The following GALNT17 variants were observed in gnomAD, a reference collection of about 807,000 sequenced individuals.
GALNT17 encodes polypeptide N-acetylgalactosaminyltransferase 17.
GALNT17 carries 29 observed loss-of-function variants against 63.7 expected under a neutral mutation model. That is an observed-to-expected ratio of 0.46 (90% CI 0.34 to 0.62). The LOEUF (loss-of-function observed/expected upper bound fraction) is 0.62, where lower values mean the gene tolerates loss of function less well. Ranked by LOEUF, GALNT17 falls within the 20% of genes least tolerant of loss-of-function variation. The pLI, the probability that GALNT17 is intolerant of heterozygous loss-of-function variation, is 0.01. For missense variants in GALNT17, 603 were observed against 799.6 expected (o/e 0.75, Z 2.97); for synonymous variants, 305 against 318.3 (o/e 0.96, Z 0.45).
At chr7:71,464,130 G>T (rs769447902) in intron 5 of GALNT17, among the ~76,000 whole-genome samples, 3 of 152,144 alleles carry the variant, frequency 2.0e-5, no homozygotes, top group Admixed American at 6.5e-5. Flanking sequence ...GATGGTTTCA[G>T]TGTCAGTGGG....
intron 5 of GALNT17, among the ~76,000 whole-genome samples, chr7:71,503,540 A>G (rs1293783726): frequency 6.6e-6 from 1 of 152,038 alleles, no homozygotes; most frequent in African/African-American, 2.4e-5. Flanking sequence ...CCTGGCCTAT[A>G]TCACTTTTCT....
intron 1 of GALNT17, among the ~76,000 whole-genome samples, chr7:71,160,326 T>A (rs1788318423): frequency 6.6e-6 from 1 of 152,218 alleles, no homozygotes; most frequent in South Asian, 2.1e-4. Context: ...TTATAAACAA[T>A]TTTAGTTGTT....
rs534952580 is a variant in GALNT17, at chr7:71,358,039, G to C, written c.422+22306G>C. ...CAGCCAGCAGCGGCAACCCGCTCGG[G>C]TCCCCTTCCATGCTGTGGAAGGTTT... On this transcript the variant is annotated intron_variant, in intron 2 of 10. Transcript: ENST00000333538. Among the ~76,000 whole-genome samples, 418 of 152,298 alleles carry C rather than the reference G, an allele frequency of 2.7e-3. 1 individual carries two copies. Among genetic ancestry groups the C allele is most frequent in the African/African-American group, 9.8e-3 (408 of 41,568 alleles).
intron 9 of GALNT17, among the ~76,000 whole-genome samples, chr7:71,705,794 T>C (rs943007119): frequency 6.6e-6 from 1 of 152,110 alleles, no homozygotes; most frequent in African/African-American, 2.4e-5. Context: ...CCTAGGAAAG[T>C]TGAAGCCAGA....
At chr7:71,485,731 T>C (rs1291335065) in intron 5 of GALNT17, among the ~76,000 whole-genome samples, 2 of 152,212 alleles carry the variant, frequency 1.3e-5, no homozygotes, top group Admixed American at 6.5e-5. Flanking sequence ...TTCGCCATCA[T>C]TGTAGCGCCC....
intron 1 of GALNT17, among the ~76,000 whole-genome samples, chr7:71,307,267 G>A (rs1168423095): frequency 2.6e-5 from 4 of 152,044 alleles, no homozygotes; most frequent in Non-Finnish European, 5.9e-5. Context: ...CGTGCACAAG[G>A]TACCACTTTC....
intron 1 of GALNT17, among the ~76,000 whole-genome samples, chr7:71,312,726 A>G (rs1365550662): frequency 1.3e-5 from 2 of 151,988 alleles, no homozygotes; most frequent in Non-Finnish European, 1.5e-5. Context: ...TAACATAGTC[A>G]CCTGTTTAAA....
intron 3 of GALNT17, 100 bp from the exon 4 acceptor site, chr7:71,415,789 G>T: frequency 7.6e-7 from 1 of 1,317,150 alleles, no homozygotes; most frequent in Non-Finnish European, 1.0e-6. Flanking sequence ...TTTTTTTTGA[G>T]ATCTTTGAAC....
In GALNT17 at chr7:71,277,865, G is replaced by T. The variant is rs540911098; in HGVS notation, c.239-57685G>T. Among the ~76,000 whole-genome samples, 3 of 152,290 alleles carry T rather than the reference G, an allele frequency of 2.0e-5. No individual in the cohort carries two copies. In the East Asian group the frequency reaches 5.8e-4, roughly 29 times the overall value. Reference sequence around the variant, plus strand: ...ACTTTTGTGCCATGGGCGGTCACCCGTGAAGAAAAACATTTCACTTACACC... The same window carrying T: ...ACTTTTGTGCCATGGGCGGTCACCCTTGAAGAAAAACATTTCACTTACACC... On this transcript the variant is annotated intron_variant, in intron 1 of 10. Coordinates refer to ENST00000333538, the MANE Select transcript of GALNT17 (RefSeq NM_022479.3).
chr7:71,425,609 C>T (rs1786745352), intron 5 of GALNT17, among the ~76,000 whole-genome samples: 1 of 152,170 alleles, frequency 6.6e-6, no homozygotes, highest in East Asian at 1.9e-4. Context: ...TTCTTCAAAA[C>T]TTCAAGGCCC....
chr7:71,205,062 A>T (rs967763697), intron 1 of GALNT17, among the ~76,000 whole-genome samples: 1 of 151,396 alleles, frequency 6.6e-6, no homozygotes, highest in Non-Finnish European at 1.5e-5. Context: ...TTATCTTGTC[A>T]ATGTTTTATT....
At chr7:71,538,581 G>C (rs1173118651) in intron 5 of GALNT17, among the ~76,000 whole-genome samples, 1 of 152,210 alleles carries the variant, frequency 6.6e-6, no homozygotes, top group East Asian at 1.9e-4. Context: ...AGATCTTTCA[G>C]TCCCTTGAAG....
At chr7:71,191,465 C>A (rs1245223698) in intron 1 of GALNT17, among the ~76,000 whole-genome samples, 1 of 152,110 alleles carries the variant, frequency 6.6e-6, no homozygotes, top group African/African-American at 2.4e-5. Flanking sequence ...CTACTCAACT[C>A]TGCTGTTGCA....
At chr7:71,666,526 A>T (rs1790988087) in intron 7 of GALNT17, among the ~76,000 whole-genome samples, 1 of 151,810 alleles carries the variant, frequency 6.6e-6, no homozygotes, top group African/African-American at 2.4e-5. Context: ...ACACTGCACC[A>T]TATTTGTTGT....
intron 1 of GALNT17, among the ~76,000 whole-genome samples, chr7:71,285,928 C>T (rs1051673962): frequency 1.3e-5 from 2 of 152,144 alleles, no homozygotes; most frequent in African/African-American, 2.4e-5. Context: ...TTTCTAGTTC[C>T]GGGCAGCTCA....
chr7:71,672,091 T>C (rs1482288962), intron 8 of GALNT17, among the ~76,000 whole-genome samples: 1 of 151,190 alleles, frequency 6.6e-6, no homozygotes, highest in Non-Finnish European at 1.5e-5. Flanking sequence ...AGATCTGAAC[T>C]GCCTTGCCTT....
chr7:71,626,556 A>G (rs1790379487), intron 6 of GALNT17, among the ~76,000 whole-genome samples: 1 of 152,182 alleles, frequency 6.6e-6, no homozygotes, highest in African/African-American at 2.4e-5. Context: ...TGTTTTCAAG[A>G]TAATTGCTCT....
At chr7:71,651,131 G>A (rs570450914) in intron 6 of GALNT17, among the ~76,000 whole-genome samples, 1 of 147,298 alleles carries the variant, frequency 6.8e-6, no homozygotes, top group South Asian at 2.2e-4. Context: ...AGAGTCGGGA[G>A]GACAGAAATA....
At chr7:71,221,108 C>T (rs1371718389) in intron 1 of GALNT17, among the ~76,000 whole-genome samples, 1 of 152,082 alleles carries the variant, frequency 6.6e-6, no homozygotes, top group Non-Finnish European at 1.5e-5. Flanking sequence ...TCCTTTGCTC[C>T]CATTACCCCT....
Sources: allele counts gnomAD v4.1 joint callset (sites outside exome capture counted in the v4.1 genomes callset), GRCh38; gene constraint gnomAD v4.1.1; transcripts MANE v1.5; gene names NCBI Gene and HGNC (gene_info 2026-07-23, HGNC 2026-07-21).